Variants in PCDHGB2 observed in about 807,000 individuals in gnomAD.
PCDHGB2 encodes protocadherin gamma-B2.
Under a neutral mutation model 59.3 loss-of-function variants are expected in PCDHGB2, and 55 were observed. The observed-to-expected ratio is 0.93, with a 90% confidence interval of 0.75 to 1.16. PCDHGB2 has a LOEUF of 1.16. Ranked by LOEUF, PCDHGB2 falls within the 50% of genes most tolerant of loss-of-function variation. The probability of loss-of-function intolerance (pLI) is 0.00; values close to 1 mark genes in which losing one functional copy is unlikely to be tolerated. For synonymous variants in PCDHGB2, 516 were observed against 512.0 expected, an observed-to-expected ratio of 1.01 and a Z score of -0.11; for missense variants, 1,228 against 1,198.5, an observed-to-expected ratio of 1.02 and a Z score of -0.36.
chr5:141,366,445 G>C (rs368468540), intron 1 of PCDHGB2: 10 of 1,614,084 alleles, frequency 6.2e-6, no homozygotes, highest in Non-Finnish European at 8.5e-6. Flanking sequence ...GCGTCTTCCT[G>C]GCCTTCGTCA....
intron 2 of PCDHGB2, among the ~76,000 whole-genome samples, chr5:141,500,310 G>A (rs1327269551): frequency 6.6e-6 from 1 of 151,740 alleles, no homozygotes; most frequent in Non-Finnish European, 1.5e-5. Flanking sequence ...CCAGGTTCAC[G>A]CCATGCTCCT....
Position 141,486,274 on chromosome 5 carries a change from T to A in PCDHGB2, c.2422-8533T>A. On this transcript the variant is annotated intron_variant, in intron 1 of 3. Coordinates refer to ENST00000522605, the MANE Select transcript of PCDHGB2 (RefSeq NM_018923.3). The surrounding 1 kb of genome is among the most constrained non-coding windows in gnomAD (Gnocchi z 5.0). ...TCCCCGAGAGTGCAGAACCTGGCAC[T>A]GTGGTGGCACTTATCAGTGTGCAGG... is the stretch of plus-strand genomic sequence containing the variant. 5 of 1,614,064 alleles carry A rather than the reference T, an allele frequency of 3.1e-6. No homozygotes were observed. The highest frequency in any genetic ancestry group is 4.2e-6 in the Non-Finnish European group (5 of 1,179,998).
At chr5:141,501,869 C>G (rs1595765055) in intron 2 of PCDHGB2, among the ~76,000 whole-genome samples, 1 of 152,130 alleles carries the variant, frequency 6.6e-6, no homozygotes, top group Non-Finnish European at 1.5e-5. Context: ...CCCAGGACGC[C>G]TCCTTACACT....
At chr5:141,444,626 A>G (rs542390437) in intron 1 of PCDHGB2, among the ~76,000 whole-genome samples, 74 of 152,288 alleles carry the variant, frequency 4.9e-4, no homozygotes, top group African/African-American at 1.7e-3. Flanking sequence ...GGCATGATGC[A>G]CCAGTTCATT....
At position 141,487,653 on chromosome 5, in the gene PCDHGB2, A is replaced by C. The variant is rs1033173132; in HGVS notation, c.2422-7154A>C. The C allele has an allele frequency of 3.1e-6, 5 of 1,613,794 alleles. No individual in the cohort carries two copies. Among genetic ancestry groups the C allele is most frequent in the Non-Finnish European group, 4.2e-6 (5 of 1,179,926 alleles). ...CAGGCTCAACAAATGCTTGAGGGTT[A>C]TTCTGATCCAGGCATATGGCTAGGC... On this transcript the variant is annotated intron_variant, in intron 1 of 3. Transcript: ENST00000522605. This position sits in a 1 kb window ranked among gnomAD's most constrained non-coding sequence, Gnocchi z 5.0.
At position 141,430,974 on chromosome 5, in the gene PCDHGB2, C is replaced by T. The variant is rs141488923; in HGVS notation, c.2422-63833C>T. The T allele has an allele frequency of 7.0e-4, 1,130 of 1,613,070 alleles. 8 individuals carry two copies. In the African/African-American group the frequency reaches 0.014, roughly 19 times the overall value. On this transcript the variant is annotated intron_variant, in intron 1 of 3. Transcript: ENST00000522605. ...GTCCGCATCATCCCCAGAGGTAGGA[C>T]GCAGCTTTTCGCCCTGAATCCGCGC...
Position 141,400,542 on chromosome 5 carries a change from C to G in PCDHGB2, c.2421+37986C>G, listed in dbSNP as rs373097307. On this transcript the variant is annotated intron_variant, in intron 1 of 3. Transcript: ENST00000522605. ...CTGAGTTGGTGAGTTTCATTTATGT[C>G]TATTCTTTTTCATTACCCACCCAAT... 5.6e-6 allele frequency: 9 copies of G among 1,613,628 alleles called. No individual in the cohort carries two copies. In the African/African-American group the frequency reaches 8.0e-5, roughly 14 times the overall value.
chr5:141,406,976 A>G (rs773444464), intron 1 of PCDHGB2, among the ~76,000 whole-genome samples: 12 of 152,244 alleles, frequency 7.9e-5, no homozygotes, highest in Non-Finnish European at 1.8e-4. Flanking sequence ...AGTAAATAAC[A>G]TTTCACAAGA....
At chr5:141,392,750 G>C in intron 1 of PCDHGB2, 1 of 1,451,824 alleles carries the variant, frequency 6.9e-7, no homozygotes, top group Non-Finnish European at 9.1e-7. Flanking sequence ...GCTGCGGCAA[G>C]AAACTAAATA....
rs376978832 is a variant in PCDHGB2, at chr5:141,395,250, C to T, written c.2421+32694C>T. On this transcript the variant is annotated intron_variant, in intron 1 of 3. Transcript: ENST00000522605. ...TGATCATGGTCAGGTGAGTTTAGTT[C>T]TTTGCTTGCTTTTAATTTCCAGATG... 1.1e-5 allele frequency: 17 copies of T among 1,558,200 alleles called. No individual in the cohort carries two copies. In the African/African-American group the frequency reaches 2.3e-4, roughly 21 times the overall value.
At chr5:141,419,558 C>T (rs560723941) in intron 1 of PCDHGB2, 1 of 1,611,970 alleles carries the variant, frequency 6.2e-7, no homozygotes, top group African/African-American at 1.3e-5. Context: ...GTACCCTGCG[C>T]TGGGTCCCGA....
chr5:141,509,224 T>G (rs1241668369), intron 3 of PCDHGB2, among the ~76,000 whole-genome samples: 3 of 152,176 alleles, frequency 2.0e-5, no homozygotes, highest in Non-Finnish European at 2.9e-5. Flanking sequence ...AATCCCTGGT[T>G]GATGTCCCAG....
chr5:141,421,338 A>G (rs560707757), intron 1 of PCDHGB2: 2 of 1,613,966 alleles, frequency 1.2e-6, no homozygotes, highest in Non-Finnish European at 1.7e-6. Context: ...ATTCGGTGCC[A>G]GAAGAGACCG....
intron 1 of PCDHGB2, among the ~76,000 whole-genome samples, chr5:141,459,962 C>T (rs994878993): frequency 5.3e-5 from 8 of 152,290 alleles, no homozygotes; most frequent in South Asian, 2.1e-4. Flanking sequence ...CCTGTAATCC[C>T]AGCTACTCAG....
At chr5:141,442,848 T>C (rs1210778801) in intron 1 of PCDHGB2, among the ~76,000 whole-genome samples, 2 of 152,236 alleles carry the variant, frequency 1.3e-5, no homozygotes, top group Non-Finnish European at 2.9e-5. Context: ...ATCTTGGCCA[T>C]TGTAGTATGA....
intron 1 of PCDHGB2, chr5:141,397,905 G>C: frequency 1.5e-6 from 1 of 659,508 alleles, no homozygotes; most frequent in East Asian, 2.8e-5. Flanking sequence ...GCAGAGCTTG[G>C]CGCTCCAGAT....
intron 1 of PCDHGB2, chr5:141,384,020 G>C: frequency 6.2e-7 from 1 of 1,613,730 alleles, no homozygotes; most frequent in Non-Finnish European, 8.5e-7. Context: ...CTACAAGACA[G>C]AGATTCTGGA....
At position 141,360,821 on chromosome 5, in the gene PCDHGB2, G is replaced by T; in HGVS notation, c.686G>T (p.Arg229Leu). The change falls in exon 1 of 4, where the codon CGA becomes CTA. Residue 229 changes from arginine to leucine, a missense_variant. Coordinates refer to ENST00000522605, the MANE Select transcript of PCDHGB2 (RefSeq NM_018923.3). ...DPPQSGTTQI[R>L]IKVTDANDNP... ...CCTCAAAGTGGCACGACCCAAATCC[G>T]AATCAAAGTCACGGATGCCAACGAT... 1 of 1,613,924 alleles carries T rather than the reference G, an allele frequency of 6.2e-7. No individual in the cohort carries two copies. Among genetic ancestry groups the T allele is most frequent in the Non-Finnish European group, 8.5e-7 (1 of 1,179,882 alleles).
chr5:141,389,019 G>T, intron 1 of PCDHGB2: 3 of 1,614,000 alleles, frequency 1.9e-6, no homozygotes, highest in South Asian at 1.1e-5. Context: ...ACACAATGGA[G>T]AAGTGACTTG....
Sources: allele counts gnomAD v4.1 joint callset (sites outside exome capture counted in the v4.1 genomes callset), GRCh38; gene constraint gnomAD v4.1.1; non-coding constraint Gnocchi (gnomAD v3.1); transcripts MANE v1.5; gene names NCBI Gene and HGNC (gene_info 2026-07-23, HGNC 2026-07-21).